Variants in CAMSAP2 observed in about 807,000 individuals in gnomAD.
CAMSAP2 encodes calmodulin regulated spectrin associated protein family member 2.
CAMSAP2 carries 26 observed loss-of-function variants against 146.1 expected under a neutral mutation model. That is an observed-to-expected ratio of 0.18 (90% CI 0.13 to 0.25). The LOEUF (loss-of-function observed/expected upper bound fraction) is 0.25, where lower values mean the gene tolerates loss of function less well. CAMSAP2 is among the 10% of genes least tolerant of loss of function. The probability of loss-of-function intolerance (pLI) is 1.00; values close to 1 mark genes in which losing one functional copy is unlikely to be tolerated. For missense variants in CAMSAP2, 1,381 were observed against 1,759.3 expected, an observed-to-expected ratio of 0.78 and a Z score of 3.85; for synonymous variants, 499 against 596.6, an observed-to-expected ratio of 0.84 and a Z score of 2.38.
chr1:200,828,475 A>C lies in CAMSAP2; in HGVS notation c.646-3725A>C, dbSNP rs560734151. On this transcript the variant is annotated intron_variant, in intron 4 of 16. Transcript: ENST00000358823. ...AGAACTATAAACTTGGAACTCCACT[A>C]TCAGAAGCTTTACTATAATTTGTTA... 164 of 1,178,578 alleles carry C rather than the reference A, an allele frequency of 1.4e-4. 1 individual carries two copies. The South Asian group carries it at 2.0e-3, about 15-fold the overall frequency. 73.0% of individuals were successfully genotyped at this position (1,178,578 alleles called of 1,614,324 possible).
intron 4 of CAMSAP2, among the ~76,000 whole-genome samples, chr1:200,831,045 T>C (rs935977512): frequency 2.6e-5 from 4 of 152,206 alleles, no homozygotes; most frequent in Non-Finnish European, 5.9e-5. Context: ...CACAAAAGTG[T>C]TTTATCTTAT....
At chr1:200,767,477 C>CTT in intron 2 of CAMSAP2, among the ~76,000 whole-genome samples, 1 of 138,114 alleles carries the variant, frequency 7.2e-6, no homozygotes, top group South Asian at 2.3e-4. Flanking sequence ...TGTTGTCCCT[C>CTT]TTTTTTTTTT....
In CAMSAP2 at chr1:200,832,571, G is replaced by A; in HGVS notation, c.788-135G>A. On this transcript the variant is annotated intron_variant, in intron 5 of 16. Transcript: ENST00000358823. This position sits in a 1 kb window ranked among gnomAD's most constrained non-coding sequence, Gnocchi z 4.2. ...TAGTGCTCGGTTTCTAAGTCTTAATGTATAATGACTACTATATTTATAAAT... is the reference window on the plus strand; with the variant it reads ...TAGTGCTCGGTTTCTAAGTCTTAATATATAATGACTACTATATTTATAAAT... 1 of 781,038 alleles carries A rather than the reference G, an allele frequency of 1.3e-6. No individual in the cohort carries two copies. Among genetic ancestry groups the A allele is most frequent in the Non-Finnish European group, 1.9e-6 (1 of 534,436 alleles). 48.4% of individuals were successfully genotyped at this position (781,038 alleles called of 1,614,324 possible).
rs542044560 is a variant in CAMSAP2, at chr1:200,826,367, G to A, written c.646-5833G>A. ...GAATTGCTTGAACCTGGGAGGCAGA[G>A]GTTGCAGTGAGCTGAGATAGCTCCG... On this transcript the variant is annotated intron_variant, in intron 4 of 16. Coordinates refer to ENST00000358823, the MANE Select transcript of CAMSAP2 (RefSeq NM_203459.4). Among the ~76,000 whole-genome samples the A allele has an allele frequency of 9.2e-5, 14 of 152,124 alleles. No individual in the cohort carries two copies. The East Asian group carries it at 1.7e-3, about 19-fold the overall frequency.
chr1:200,814,483 G>A (rs1000650582), intron 3 of CAMSAP2, among the ~76,000 whole-genome samples: 1 of 151,582 alleles, frequency 6.6e-6, no homozygotes, highest in Non-Finnish European at 1.5e-5. Flanking sequence ...GATGGCGGGC[G>A]CCTGTAATCC....
chr1:200,807,084 T>G (rs1666197701), intron 2 of CAMSAP2, among the ~76,000 whole-genome samples: 1 of 152,144 alleles, frequency 6.6e-6, no homozygotes, highest in African/African-American at 2.4e-5. Flanking sequence ...GTTATATTGC[T>G]GAGTAAATGA....
At chr1:200,833,797 A>G (rs1571812477) in intron 6 of CAMSAP2, among the ~76,000 whole-genome samples, 1 of 152,338 alleles carries the variant, frequency 6.6e-6, no homozygotes, top group Middle Eastern at 3.4e-3. Flanking sequence ...TATGATATGT[A>G]TAGTTAAATG....
At chr1:200,793,251 G>T (rs962233275) in intron 2 of CAMSAP2, among the ~76,000 whole-genome samples, 1 of 152,132 alleles carries the variant, frequency 6.6e-6, no homozygotes, top group African/African-American at 2.4e-5. Context: ...TAGGTGTGAG[G>T]ATTAAATACA....
In CAMSAP2 at chr1:200,785,834, T is replaced by C. The variant is rs1312193004; in HGVS notation, c.400-21542T>C. ...TCCCAAGTAGCTGAGATTAAAGGCA[T>C]GTGCCACTACTCCTGGCTAATTTTT... On this transcript the variant is annotated intron_variant, in intron 2 of 16. Transcript: ENST00000358823. 4.6e-5 allele frequency among the ~76,000 whole-genome samples: 7 copies of C among 152,142 alleles called. No individual in the cohort carries two copies. In the South Asian group the frequency reaches 1.5e-3, roughly 32 times the overall value.
chr1:200,846,497 G>A (rs1571826309), intron 8 of CAMSAP2, among the ~76,000 whole-genome samples: 1 of 152,120 alleles, frequency 6.6e-6, no homozygotes, highest in Non-Finnish European at 1.5e-5. Context: ...GCAGATGGAT[G>A]TCTACATTCT....
At position 200,841,995 on chromosome 1, in the gene CAMSAP2, G is replaced by A; in HGVS notation, c.929G>A (p.Ser310Asn). 6.2e-7 allele frequency: 1 copy of A among 1,608,870 alleles called. No individual in the cohort carries two copies. Among genetic ancestry groups the A allele is most frequent in the Non-Finnish European group, 8.5e-7 (1 of 1,175,306 alleles). The change falls in exon 7 of 17, where the codon AGT (serine) becomes AAT (asparagine). Residue 310 changes from serine to asparagine, a missense_variant and splice_region_variant. By Grantham distance (46) the Ser-to-Asn change is conservative. Transcript: ENST00000358823. ...DMLYAASSIK[S>N]NYLVFMAELF... ...CTTTCTCTTAAATTTCCTATATAGAGTAATTATTTGGTGTTCATGGCGGAA... is the reference window on the plus strand; with the variant it reads ...CTTTCTCTTAAATTTCCTATATAGAATAATTATTTGGTGTTCATGGCGGAA...
intron 4 of CAMSAP2, among the ~76,000 whole-genome samples, chr1:200,822,209 C>A (rs1318627849): frequency 6.6e-6 from 1 of 151,474 alleles, no homozygotes; most frequent in African/African-American, 2.4e-5. Context: ...AAGAAGGTTG[C>A]ATATATCATG....
chr1:200,762,978 C>A (rs1436256725), intron 2 of CAMSAP2, among the ~76,000 whole-genome samples: 2 of 152,166 alleles, frequency 1.3e-5, no homozygotes, highest in Non-Finnish European at 2.9e-5. Context: ...TGGCTCACAG[C>A]AACCTCAGCC....
At chr1:200,775,679 G>A (rs1665250945) in intron 2 of CAMSAP2, among the ~76,000 whole-genome samples, 2 of 151,918 alleles carry the variant, frequency 1.3e-5, no homozygotes, top group African/African-American at 2.4e-5. Context: ...ACAGGCACAC[G>A]CCACCACACC....
At chr1:200,839,342 G>A (rs1260407275) in intron 6 of CAMSAP2, among the ~76,000 whole-genome samples, 1 of 152,146 alleles carries the variant, frequency 6.6e-6, no homozygotes, top group Non-Finnish European at 1.5e-5. Flanking sequence ...GTAGAGGCCT[G>A]CTCCTAAAAG....
In CAMSAP2 at chr1:200,807,518, T is replaced by C; in HGVS notation, c.542T>C (p.Val181Ala). 6.2e-7 allele frequency: 1 copy of C among 1,606,560 alleles called. No individual in the cohort carries two copies. The highest frequency in any genetic ancestry group is 8.5e-7 in the Non-Finnish European group (1 of 1,176,934). The change falls in exon 3 of 17, where the codon GTC (valine) becomes GCC (alanine). Residue 181 changes from valine to alanine, a missense_variant. Coordinates refer to ENST00000358823, the MANE Select transcript of CAMSAP2 (RefSeq NM_203459.4). The part of the protein sequence containing the change: ...TDLPYDIEDA[V>A]MYWINKVNEH... ...CTGCCCTATGATATTGAGGACGCTG[T>C]CATGTACTGGATAAATAAGGTAGGA...
chr1:200,781,615 C>T (rs1240330850), intron 2 of CAMSAP2, among the ~76,000 whole-genome samples: 3 of 152,032 alleles, frequency 2.0e-5, no homozygotes, highest in African/African-American at 4.8e-5. Flanking sequence ...CATCTCGGCT[C>T]ACTGTATCCT....
intron 2 of CAMSAP2, among the ~76,000 whole-genome samples, chr1:200,803,995 C>T (rs532361188): frequency 3.3e-5 from 5 of 151,818 alleles, no homozygotes; most frequent in South Asian, 4.2e-4. Context: ...GGTGCGACCT[C>T]GGCTCACTGC....
intron 4 of CAMSAP2, among the ~76,000 whole-genome samples, chr1:200,822,568 A>G (rs1466231371): frequency 1.3e-5 from 2 of 152,230 alleles, no homozygotes; most frequent in African/African-American, 2.4e-5. Flanking sequence ...ATCCAGAGGC[A>G]CATGATATCC....
Sources: gnomAD v4.1 joint callset for allele counts (sites outside exome capture counted in the v4.1 genomes callset) on GRCh38, gnomAD v4.1.1 for gene constraint, Gnocchi (gnomAD v3.1) non-coding constraint, MANE v1.5 for transcripts, NCBI Gene and HGNC (gene_info 2026-07-23, HGNC 2026-07-21) for gene names.